The following ELL2 variants were observed in gnomAD, a reference collection of about 807,000 sequenced individuals.
ELL2 encodes the protein elongation factor for RNA polymerase II 2.
Under a neutral mutation model 72.8 loss-of-function variants are expected in ELL2, and 21 were observed. That is an observed-to-expected ratio of 0.29 (90% CI 0.20 to 0.42). ELL2 has a LOEUF of 0.42. Among genes scored for constraint, ELL2 ranks in the 10% least tolerant of loss-of-function variants. The probability of loss-of-function intolerance (pLI) is 1.00; values close to 1 mark genes in which losing one functional copy is unlikely to be tolerated. For missense variants in ELL2, 568 were observed against 772.8 expected (o/e 0.73, Z 3.14); for synonymous variants, 266 against 283.2 (o/e 0.94, Z 0.61).
intron 3 of ELL2, among the ~76,000 whole-genome samples, chr5:95,916,093 G>C (rs1046364963): frequency 2.0e-5 from 3 of 151,830 alleles, no homozygotes; most frequent in Non-Finnish European, 2.9e-5. Flanking sequence ...ACCAGAGTAG[G>C]GCAGTGAGAG....
chr5:95,893,051 A>C (rs944484016), intron 9 of ELL2, among the ~76,000 whole-genome samples: 1 of 152,150 alleles, frequency 6.6e-6, no homozygotes, highest in Non-Finnish European at 1.5e-5. Context: ...ACTTAGACTT[A>C]ATTTGTTATA....
chr5:95,947,917 A>C (rs531766870), intron 1 of ELL2, among the ~76,000 whole-genome samples: 1 of 152,322 alleles, frequency 6.6e-6, no homozygotes, highest in African/African-American at 2.4e-5. Context: ...AAAGAACATA[A>C]ATATTTGTTA....
At chr5:95,904,726 C>A (rs1022879600) in intron 5 of ELL2, among the ~76,000 whole-genome samples, 3 of 152,118 alleles carry the variant, frequency 2.0e-5, no homozygotes, top group Non-Finnish European at 4.4e-5. Context: ...ATGTATCTTG[C>A]GGCTCTTCTT....
chr5:95,922,193 G>A (rs1257727436), intron 2 of ELL2, among the ~76,000 whole-genome samples: 2 of 152,072 alleles, frequency 1.3e-5, no homozygotes, highest in Non-Finnish European at 2.9e-5. Flanking sequence ...CTCCCAAGTA[G>A]CTGGGACTAC....
chr5:95,953,265 T>A lies in ELL2; in HGVS notation c.147+8310A>T, dbSNP rs544259258. ...TGCCTAGTTCTATCCCTGGCAAATG[T>A]CAGAAGATAAATACATGTTTGCTGA... is the stretch of plus-strand genomic sequence containing the variant. On this transcript the variant is annotated intron_variant, in intron 1 of 11. Transcript: ENST00000237853. Among the ~76,000 whole-genome samples, 3 of 152,326 alleles carry A rather than the reference T, an allele frequency of 2.0e-5. No homozygotes were observed. In the South Asian group the frequency reaches 6.2e-4, roughly 32 times the overall value.
intron 1 of ELL2, among the ~76,000 whole-genome samples, chr5:95,943,266 TA>T (rs201799289): frequency 0.012 from 1,748 of 141,168 alleles, 27 homozygotes; most frequent in African/African-American, 0.036. Flanking sequence ...CATCTCTATT[TA>T]AAAAAAAAAA....
intron 5 of ELL2, among the ~76,000 whole-genome samples, chr5:95,904,712 T>C (rs991541476): frequency 2.0e-5 from 3 of 152,242 alleles, no homozygotes; most frequent in Non-Finnish European, 4.4e-5. Flanking sequence ...TTGGGATGAT[T>C]TGTATGTATC....
Position 95,961,558 on chromosome 5 carries a change from C to G in ELL2, c.147+17G>C. 6.4e-7 allele frequency: 1 copy of G among 1,565,624 alleles called. No individual in the cohort carries two copies. Among genetic ancestry groups the G allele is most frequent in the Non-Finnish European group, 8.6e-7 (1 of 1,158,020 alleles). On this transcript the variant is annotated intron_variant, in intron 1 of 11. Coordinates refer to ENST00000237853, the MANE Select transcript of ELL2 (RefSeq NM_012081.6). ...GCTCTGCCTCTCTGAGCCCAGCCTG[C>G]CGGCCGGCCCGCTCACCTTGTGGCT... is the stretch of plus-strand genomic sequence containing the variant.
intron 2 of ELL2, 48 bp downstream of exon 2, chr5:95,942,954 G>T: frequency 7.1e-7 from 1 of 1,407,352 alleles, no homozygotes; most frequent in Non-Finnish European, 9.5e-7. Context: ...AAGTTGAATA[G>T]CGTGCAAGAA....
chr5:95,897,117 T>C (rs1467970701), intron 8 of ELL2, among the ~76,000 whole-genome samples: 2 of 152,222 alleles, frequency 1.3e-5, no homozygotes, highest in Non-Finnish European at 2.9e-5. Flanking sequence ...ATGTATCCAA[T>C]CTAGATCAAG....
intron 1 of ELL2, among the ~76,000 whole-genome samples, chr5:95,953,226 C>T (rs924297522): frequency 2.0e-5 from 3 of 152,184 alleles, no homozygotes; most frequent in African/African-American, 7.2e-5. Flanking sequence ...ACTTATTCAG[C>T]TTTCTATCTC....
chr5:95,907,292 A>ATTTTTTTT (rs895711670), intron 4 of ELL2, among the ~76,000 whole-genome samples: 51 of 76,062 alleles, frequency 6.7e-4, no homozygotes, highest in African/African-American at 3.6e-3. Context: ...ATATATATAT[A>ATTTTTTTT]TATATTTTTT....
chr5:95,939,932 G>A lies in ELL2; in HGVS notation c.195+3070C>T, dbSNP rs117283419. ...TTCTGTCTAAATATGCTGTTCTAGAGAGATTTATAATCCTAGTAAACCTTT... is the reference window on the plus strand; with the variant it reads ...TTCTGTCTAAATATGCTGTTCTAGAAAGATTTATAATCCTAGTAAACCTTT... On this transcript the variant is annotated intron_variant, in intron 2 of 11. Coordinates refer to ENST00000237853, the MANE Select transcript of ELL2 (RefSeq NM_012081.6). Among the ~76,000 whole-genome samples, 55 of 152,296 alleles carry A rather than the reference G, an allele frequency of 3.6e-4. No individual in the cohort carries two copies. In the East Asian group the frequency reaches 0.01, roughly 28 times the overall value.
chr5:95,927,374 CACACACACGTGTGTATATATAGACAT>C (rs1750328192), intron 2 of ELL2, among the ~76,000 whole-genome samples: 885 of 71,972 alleles, frequency 0.012, 97 homozygotes, highest in Non-Finnish European at 0.015. Context: ...TAGACATACA[CACACACACGTGTGTATATATAGACAT>C]ACACACACGT....
intron 1 of ELL2, among the ~76,000 whole-genome samples, 181 bp from the exon 2 acceptor site, chr5:95,943,230 G>A (rs1751035053): frequency 6.6e-6 from 1 of 150,640 alleles, no homozygotes; most frequent in Non-Finnish European, 1.5e-5. Flanking sequence ...AGACCAGCCT[G>A]GGCAATACAG....
At chr5:95,900,543 C>G in intron 7 of ELL2, 150 bp downstream of exon 7, 1 of 520,648 alleles carries the variant, frequency 1.9e-6, no homozygotes, top group Non-Finnish European at 3.3e-6. Flanking sequence ...GACCTAAATT[C>G]TAGGCTAAGC....
At position 95,906,785 on chromosome 5, in the gene ELL2, A is replaced by G; in HGVS notation, c.482-3T>C. On this transcript the variant is annotated splice_region_variant and splice_polypyrimidine_tract_variant and intron_variant, in intron 4 of 11. Transcript: ENST00000237853. ...TTTCCGAATTTGCACTCTTTTCCCT[A>G]AAGTCCAGTGGAAATGACATTGTTA... 1 of 1,607,904 alleles carries G rather than the reference A, an allele frequency of 6.2e-7. No individual in the cohort carries two copies. Among genetic ancestry groups the G allele is most frequent in the Non-Finnish European group, 8.5e-7 (1 of 1,175,968 alleles).
intron 5 of ELL2, among the ~76,000 whole-genome samples, chr5:95,903,511 G>A (rs1034515462): frequency 6.6e-6 from 1 of 152,070 alleles, no homozygotes; most frequent in Non-Finnish European, 1.5e-5. Context: ...TTACAGGGGT[G>A]AGCCACGGCG....
rs560406468 is a variant in ELL2 at position 95,890,304 on chromosome 5, T to C, written c.1761+799A>G. On this transcript the variant is annotated intron_variant, in intron 10 of 11. Coordinates refer to ENST00000237853, the MANE Select transcript of ELL2 (RefSeq NM_012081.6). Reference sequence around the variant, plus strand: ...ACATAATGAATCTTGAGGACACAAATGCTCTCAGGCTGTTTACTGTTGTGG... The same window carrying C: ...ACATAATGAATCTTGAGGACACAAACGCTCTCAGGCTGTTTACTGTTGTGG... Among the ~76,000 whole-genome samples, 3 of 152,258 alleles carry C rather than the reference T, an allele frequency of 2.0e-5. No individual in the cohort carries two copies. The South Asian group carries it at 6.2e-4, about 32-fold the overall frequency.
Sources: allele counts gnomAD v4.1 joint callset (sites outside exome capture counted in the v4.1 genomes callset), GRCh38; gene constraint gnomAD v4.1.1; transcripts MANE v1.5; gene names NCBI Gene and HGNC (gene_info 2026-07-23, HGNC 2026-07-21).